The following C10orf90 variants were observed in gnomAD, a reference collection of about 807,000 sequenced individuals.
C10orf90 encodes chromosome 10 open reading frame 90, also known as (E2-independent) E3 ubiquitin-conjugating enzyme FATS.
Under a neutral mutation model 62.5 loss-of-function variants are expected in C10orf90, and 56 were observed. That is an observed-to-expected ratio of 0.90 (90% confidence interval 0.72 to 1.12). The LOEUF is 1.12. Among genes scored for constraint, C10orf90 ranks in the 50% most tolerant of loss-of-function variants. The probability of loss-of-function intolerance (pLI) is 0.00; values close to 1 mark genes in which losing one functional copy is unlikely to be tolerated. For synonymous variants in C10orf90, 386 were observed against 340.4 expected (o/e 1.13, Z -1.47); for missense variants, 970 against 880.4 (o/e 1.10, Z -1.29).
At chr10:126,476,707 C>T (rs953338663) in intron 4 of C10orf90, among the ~76,000 whole-genome samples, 11 of 152,216 alleles carry the variant, frequency 7.2e-5, no homozygotes, top group African/African-American at 2.4e-4. Flanking sequence ...AGTTATTTCT[C>T]TTCGCTGAGA....
At chr10:126,438,109 C>T (rs554935410) in intron 7 of C10orf90, among the ~76,000 whole-genome samples, 30 of 152,174 alleles carry the variant, frequency 2.0e-4, no homozygotes, top group Admixed American at 3.9e-4. Context: ...GGTACACACA[C>T]GGAGACAGCT....
intron 1 of C10orf90, among the ~76,000 whole-genome samples, chr10:126,667,883 G>C (rs1057505726): frequency 6.6e-6 from 1 of 152,116 alleles, no homozygotes; most frequent in Non-Finnish European, 1.5e-5. Flanking sequence ...AGAGTGTGCA[G>C]ACATCAAGTC....
chr10:126,553,854 C>T (rs1864696702), intron 2 of C10orf90, among the ~76,000 whole-genome samples: 1 of 152,076 alleles, frequency 6.6e-6, no homozygotes, highest in Non-Finnish European at 1.5e-5. Flanking sequence ...AAATGTTTGA[C>T]AATATCAAGT....
chr10:126,437,224 C>A (rs115089405), intron 7 of C10orf90, among the ~76,000 whole-genome samples: 342 of 152,266 alleles, frequency 2.2e-3, no homozygotes, highest in African/African-American at 5.8e-3. Context: ...GATTTTTATT[C>A]TCTGCAAAAG....
intron 1 of C10orf90, among the ~76,000 whole-genome samples, chr10:126,665,869 C>T (rs1390560187): frequency 6.6e-6 from 1 of 152,178 alleles, no homozygotes; most frequent in African/African-American, 2.4e-5. Flanking sequence ...CTTCCCAGGT[C>T]TTTGCCTGAA....
chr10:126,501,075 G>C (rs1034021431), intron 4 of C10orf90, among the ~76,000 whole-genome samples: 2 of 152,346 alleles, frequency 1.3e-5, no homozygotes, highest in Non-Finnish European at 2.9e-5. Flanking sequence ...ACAGGAGGCT[G>C]TCAAGAATGT....
At chr10:126,594,989 G>A (rs543944928) in intron 2 of C10orf90, among the ~76,000 whole-genome samples, 1 of 152,116 alleles carries the variant, frequency 6.6e-6, no homozygotes, top group African/African-American at 2.4e-5. Context: ...CATGCTAAGA[G>A]AGACCACTCT....
intron 7 of C10orf90, among the ~76,000 whole-genome samples, chr10:126,438,473 T>C (rs1207363600): frequency 6.6e-6 from 1 of 152,204 alleles, no homozygotes; most frequent in Non-Finnish European, 1.5e-5. Flanking sequence ...GCTTTTTTTT[T>C]CTGTAGGACT....
chr10:126,487,748 A>G (rs1861517394), intron 4 of C10orf90, among the ~76,000 whole-genome samples: 1 of 152,194 alleles, frequency 6.6e-6, no homozygotes, highest in South Asian at 2.1e-4. Context: ...CTGCGTGCAC[A>G]AGGGAAAGAG....
In C10orf90 at chr10:126,532,576, G is replaced by A. The variant is rs989532660; in HGVS notation, c.314-18637C>T. ...CACATGGCCGGGCGCGGTGGCTCAC[G>A]CCTATAGTCCCTGCACTTTGGGAGG... On this transcript the variant is annotated intron_variant, in intron 2 of 9. Transcript: ENST00000488181. Among the ~76,000 whole-genome samples the A allele has an allele frequency of 2.0e-5, 3 of 151,802 alleles. No homozygotes were observed. The East Asian group carries it at 5.9e-4, about 30-fold the overall frequency.
chr10:126,463,830 G>A (rs1860137562), intron 5 of C10orf90, among the ~76,000 whole-genome samples: 3 of 152,214 alleles, frequency 2.0e-5, no homozygotes, highest in Non-Finnish European at 4.4e-5. Context: ...CTGTGCCAAC[G>A]GAGAGCCTAG....
intron 2 of C10orf90, among the ~76,000 whole-genome samples, chr10:126,583,223 CT>C (rs1425613396): frequency 1.3e-5 from 2 of 152,196 alleles, no homozygotes; most frequent in Non-Finnish European, 2.9e-5. Flanking sequence ...GCAAGAAACA[CT>C]TTGGTGTGTA....
At chr10:126,620,254 G>A (rs1845619667) in intron 2 of C10orf90, among the ~76,000 whole-genome samples, 1 of 151,916 alleles carries the variant, frequency 6.6e-6, no homozygotes, top group Non-Finnish European at 1.5e-5. Flanking sequence ...TTACATTTAA[G>A]TCAGTAATCC....
chr10:126,618,151 T>C (rs1347022219), intron 2 of C10orf90, among the ~76,000 whole-genome samples: 1 of 152,222 alleles, frequency 6.6e-6, no homozygotes, highest in African/African-American at 2.4e-5. Flanking sequence ...TGAAGGTGCC[T>C]TTTGATCTTA....
intron 1 of C10orf90, among the ~76,000 whole-genome samples, chr10:126,660,513 G>A (rs529321697): frequency 2.0e-4 from 31 of 152,322 alleles, no homozygotes; most frequent in Non-Finnish European, 4.3e-4. Flanking sequence ...AGAAAATGGG[G>A]ACTTCAGCCC....
At chr10:126,666,424 C>T (rs1014839217) in intron 1 of C10orf90, among the ~76,000 whole-genome samples, 1 of 152,108 alleles carries the variant, frequency 6.6e-6, no homozygotes, top group African/African-American at 2.4e-5. Context: ...TGCAAAGAAG[C>T]ATGACCCATA....
chr10:126,564,025 T>C (rs1011249943), intron 2 of C10orf90, among the ~76,000 whole-genome samples: 1 of 152,132 alleles, frequency 6.6e-6, no homozygotes. Context: ...ACCCACTGGA[T>C]GCCCGTAGTC....
intron 2 of C10orf90, among the ~76,000 whole-genome samples, chr10:126,541,658 A>G (rs1225893899): frequency 6.6e-6 from 1 of 152,222 alleles, no homozygotes; most frequent in Non-Finnish European, 1.5e-5. Context: ...ACCACTTCCA[A>G]CCCACTAAAA....
At chr10:126,602,842 T>C (rs951651006) in intron 2 of C10orf90, among the ~76,000 whole-genome samples, 1 of 150,624 alleles carries the variant, frequency 6.6e-6, no homozygotes, top group African/African-American at 2.5e-5. Flanking sequence ...TTCCATGAAA[T>C]GTGGTCATGT....
Sources: allele counts gnomAD v4.1 joint callset (sites outside exome capture counted in the v4.1 genomes callset), GRCh38; gene constraint gnomAD v4.1.1; transcripts MANE v1.5; gene names NCBI Gene and HGNC (gene_info 2026-07-23, HGNC 2026-07-21).